The following ENTREP2 variants were observed in gnomAD, a reference collection of about 807,000 sequenced individuals.
The protein encoded by ENTREP2 is protein ENTREP2.
At chr15:29,478,355 A>G in the ENTREP2 span, among the ~76,000 whole-genome samples, 1 of 152,096 alleles carries the variant, frequency 6.6e-6, no homozygotes, top group Non-Finnish European at 1.5e-5. Context: ...AACCCAATAC[A>G]TTAAAAATAT....
the ENTREP2 span, among the ~76,000 whole-genome samples, chr15:29,397,148 T>C: frequency 2.6e-5 from 4 of 152,144 alleles, no homozygotes; most frequent in African/African-American, 7.2e-5. Flanking sequence ...CTCAACACTT[T>C]GGGAGGCCGA....
chr15:29,401,032 C>T, the ENTREP2 span, among the ~76,000 whole-genome samples: 2 of 152,192 alleles, frequency 1.3e-5, no homozygotes, highest in African/African-American at 4.8e-5. Flanking sequence ...AAGCCTGGGC[C>T]CCGGAATGGA....
the ENTREP2 span, among the ~76,000 whole-genome samples, chr15:29,532,963 A>G: frequency 6.6e-6 from 1 of 152,212 alleles, no homozygotes; most frequent in African/African-American, 2.4e-5. Context: ...TTTACCACCC[A>G]AAGACAGCAG....
the ENTREP2 span, among the ~76,000 whole-genome samples, chr15:29,280,203 T>C: frequency 6.6e-6 from 1 of 152,316 alleles, no homozygotes; most frequent in South Asian, 2.1e-4. Context: ...TCTGAAAACG[T>C]GTAAATCATG....
chr15:29,181,828 C>T, the ENTREP2 span, among the ~76,000 whole-genome samples: 1 of 152,162 alleles, frequency 6.6e-6, no homozygotes, highest in African/African-American at 2.4e-5. Flanking sequence ...GGATTCCCTT[C>T]ATCTGGCAAA....
the ENTREP2 span, among the ~76,000 whole-genome samples, chr15:29,619,939 T>G: frequency 1.3e-5 from 2 of 152,062 alleles, no homozygotes; most frequent in Non-Finnish European, 2.9e-5. Flanking sequence ...ACCCTCAGAC[T>G]CTAACTGGAG....
the ENTREP2 span, among the ~76,000 whole-genome samples, chr15:29,193,740 A>AT: frequency 1.3e-5 from 2 of 152,248 alleles, no homozygotes; most frequent in African/African-American, 4.8e-5. Flanking sequence ...GACTGTCTAC[A>AT]TAAGAAAACC....
the ENTREP2 span, among the ~76,000 whole-genome samples, chr15:29,562,359 T>C: frequency 1.3e-5 from 2 of 152,228 alleles, no homozygotes. Context: ...AGAGCATCCA[T>C]GAGTGGTGAG....
At chr15:29,533,269 C>A in the ENTREP2 span, among the ~76,000 whole-genome samples, 1 of 152,174 alleles carries the variant, frequency 6.6e-6, no homozygotes, top group Admixed American at 6.5e-5. Context: ...AACTTCAACT[C>A]TCCAGAAAAT....
the ENTREP2 span, among the ~76,000 whole-genome samples, chr15:29,458,109 C>A: frequency 2.0e-5 from 3 of 152,234 alleles, no homozygotes; most frequent in East Asian, 3.9e-4. Context: ...AGAGGAAGAC[C>A]CAGGATAGCT....
At chr15:29,362,162 C>A in the ENTREP2 span, among the ~76,000 whole-genome samples, 3 of 152,086 alleles carry the variant, frequency 2.0e-5, no homozygotes, top group African/African-American at 7.2e-5. Context: ...TCAGTCTCTA[C>A]CTTCACAGGA....
the ENTREP2 span, chr15:29,123,189 C>G: frequency 3.6e-6 from 3 of 825,040 alleles, no homozygotes; most frequent in Non-Finnish European, 5.5e-6. Flanking sequence ...AGTTCCCTGC[C>G]CACACCGCCC....
the ENTREP2 span, among the ~76,000 whole-genome samples, chr15:29,602,966 G>A: frequency 1.3e-5 from 2 of 152,306 alleles, no homozygotes; most frequent in East Asian, 1.9e-4. Flanking sequence ...CTGGCATTTC[G>A]TAGCTACCAA....
chr15:29,128,364 C>A, the ENTREP2 span, among the ~76,000 whole-genome samples: 1 of 152,124 alleles, frequency 6.6e-6, no homozygotes, highest in Non-Finnish European at 1.5e-5. Context: ...TGACTTCCAG[C>A]CTGCACCCTC....
chr15:29,573,898 A>G, the ENTREP2 span, among the ~76,000 whole-genome samples: 2 of 152,330 alleles, frequency 1.3e-5, no homozygotes, highest in African/African-American at 4.8e-5. Context: ...GTTGTATTAA[A>G]TGCAACAGCC....
At chr15:29,600,776 A>G in the ENTREP2 span, among the ~76,000 whole-genome samples, 1 of 152,038 alleles carries the variant, frequency 6.6e-6, no homozygotes, top group African/African-American at 2.4e-5. Flanking sequence ...CCAGCTTATG[A>G]CTTAATTATT....
chr15:29,659,482 A>T, the ENTREP2 span, among the ~76,000 whole-genome samples: 8,611 of 151,920 alleles, frequency 0.057, 314 homozygotes, highest in African/African-American at 0.089. Flanking sequence ...AAAAAATAAA[A>T]AATAATAATA....
chr15:29,149,779 C>T, the ENTREP2 span, among the ~76,000 whole-genome samples: 5 of 152,218 alleles, frequency 3.3e-5, no homozygotes, highest in Non-Finnish European at 7.3e-5. Flanking sequence ...GCCCATGACT[C>T]TCAAGCCCGG....
chr15:29,657,696 T>A, the ENTREP2 span, among the ~76,000 whole-genome samples: 14 of 152,150 alleles, frequency 9.2e-5, no homozygotes, highest in African/African-American at 3.4e-4. Flanking sequence ...TTTACAATCC[T>A]CTTGTGAGAC....
Sources: gnomAD v4.1 joint callset for allele counts (sites outside exome capture counted in the v4.1 genomes callset) on GRCh38, gnomAD v4.1.1 for gene constraint, MANE v1.5 for transcripts, NCBI Gene and HGNC (gene_info 2026-07-23, HGNC 2026-07-21) for gene names.